Variants in SLC39A10 observed in about 807,000 individuals in gnomAD.
SLC39A10 encodes the protein zinc transporter ZIP10.
In SLC39A10, 13 loss-of-function variants were observed where a neutral mutation model predicts 65.1. The observed-to-expected ratio is 0.20, with a 90% CI of 0.13 to 0.32. The LOEUF is 0.32. SLC39A10 is among the 10% of genes least tolerant of loss of function. The probability of loss-of-function intolerance (pLI) is 1.00; values close to 1 mark genes in which losing one functional copy is unlikely to be tolerated. For synonymous variants in SLC39A10, 321 were observed against 342.2 expected (o/e 0.94, Z 0.68); for missense variants, 831 against 1,018.4 (o/e 0.82, Z 2.50).
chr2:195,619,583 A>G (rs1024345690), intron 2 of SLC39A10, among the ~76,000 whole-genome samples: 1 of 152,224 alleles, frequency 6.6e-6, no homozygotes, highest in Non-Finnish European at 1.5e-5. Context: ...ATGCTGATGT[A>G]CACGAGGAAT....
chr2:195,683,447 A>G, intron 2 of SLC39A10, among the ~76,000 whole-genome samples: 1 of 152,102 alleles, frequency 6.6e-6, no homozygotes, highest in South Asian at 2.1e-4. Context: ...ATCCTTATCC[A>G]TGACAGAAAG....
intron 8 of SLC39A10, among the ~76,000 whole-genome samples, chr2:195,722,446 A>G (rs897843023): frequency 6.6e-5 from 10 of 152,332 alleles, no homozygotes; most frequent in South Asian, 6.2e-4. Context: ...TAAATAAAGG[A>G]AGTAAAAATA....
chr2:195,694,462 T>C (rs1472838594), intron 3 of SLC39A10, among the ~76,000 whole-genome samples: 4 of 152,198 alleles, frequency 2.6e-5, no homozygotes, highest in South Asian at 2.1e-4. Context: ...TCCCTTGATA[T>C]GGTGTTCTCC....
At chr2:195,673,283 C>G (rs1378132757) in intron 1 of SLC39A10, among the ~76,000 whole-genome samples, 1 of 152,038 alleles carries the variant, frequency 6.6e-6, no homozygotes, top group African/African-American at 2.4e-5. Context: ...CTCAGATGAT[C>G]CTCCTACCTT....
In SLC39A10 at chr2:195,616,899, G is replaced by A. The variant is rs375226896; in HGVS notation, c.-12+10666G>A. Among the ~76,000 whole-genome samples the A allele has an allele frequency of 9.9e-5, 15 of 152,032 alleles. No homozygotes were observed. The South Asian group carries it at 1.0e-3, about 10-fold the overall frequency. On this transcript the variant is annotated intron_variant, in intron 2 of 2. Transcript: ENST00000458054. ...ATTACAGGCGGGAGCCACCGCCCCC[G>A]GCCCGGAAAATCTTTTGTTAAAGAG... is the stretch of plus-strand genomic sequence containing the variant.
intron 1 of SLC39A10, chr2:195,671,620 G>A (rs938011583): frequency 5.9e-5 from 9 of 152,214 alleles, no homozygotes; most frequent in African/African-American, 2.2e-4. Context: ...TGGTATATGG[G>A]CTTCTACCAT....
intron 3 of SLC39A10, among the ~76,000 whole-genome samples, chr2:195,686,583 G>T (rs979428041): frequency 1.3e-5 from 2 of 152,080 alleles, no homozygotes; most frequent in Non-Finnish European, 2.9e-5. Context: ...TGTTTATTGG[G>T]ACTTTACCAT....
At chr2:195,615,469 C>A (rs115173613) in intron 2 of SLC39A10, among the ~76,000 whole-genome samples, 2,331 of 152,230 alleles carry the variant, frequency 0.015, 21 homozygotes, top group South Asian at 0.024. Context: ...GGCCATCTGG[C>A]CAGTTTTTTA....
At chr2:195,667,917 A>T (rs1689697763) in intron 1 of SLC39A10, among the ~76,000 whole-genome samples, 1 of 152,262 alleles carries the variant, frequency 6.6e-6, no homozygotes, top group Non-Finnish European at 1.5e-5. Flanking sequence ...CAAATATTTT[A>T]CAAAAATATG....
chr2:195,670,673 G>A (rs1689823640), intron 1 of SLC39A10, among the ~76,000 whole-genome samples: 1 of 152,120 alleles, frequency 6.6e-6, no homozygotes, highest in Non-Finnish European at 1.5e-5. Context: ...TAGTATCGAT[G>A]TCAGTTTCTT....
chr2:195,727,822 C>A (rs1350526605), intron 8 of SLC39A10, among the ~76,000 whole-genome samples: 7 of 152,110 alleles, frequency 4.6e-5, no homozygotes, highest in Non-Finnish European at 1.0e-4. Flanking sequence ...TTTGTCACCC[C>A]CAACAACCCT....
chr2:195,632,227 C>A (rs972762901), intron 2 of SLC39A10, among the ~76,000 whole-genome samples: 6 of 145,886 alleles, frequency 4.1e-5, no homozygotes, highest in Admixed American at 2.1e-4. Context: ...CTTATCAAAG[C>A]TTTTTCTGTG....
intron 1 of SLC39A10, among the ~76,000 whole-genome samples, chr2:195,678,810 G>T (rs1316957913): frequency 2.0e-5 from 3 of 151,940 alleles, no homozygotes; most frequent in East Asian, 3.8e-4. Context: ...GTATTAAAAA[G>T]AATGTAAAAT....
chr2:195,681,166 T>A, intron 2 of SLC39A10, 116 bp downstream of exon 2: 2 of 956,628 alleles, frequency 2.1e-6, no homozygotes. Context: ...TATTTCCATA[T>A]GTTTACCTAT....
intron 2 of SLC39A10, among the ~76,000 whole-genome samples, chr2:195,650,270 G>A (rs1338912047): frequency 6.9e-6 from 1 of 145,980 alleles, no homozygotes; most frequent in African/African-American, 2.6e-5. Context: ...CGACAGAGAT[G>A]GACTCCTCCT....
intron 3 of SLC39A10, among the ~76,000 whole-genome samples, chr2:195,701,435 C>T (rs1375779220): frequency 0.033 from 181 of 5,472 alleles, no homozygotes; most frequent in East Asian, 0.048. Context: ...TTCTGTGATT[C>T]TTTTTTTTTT....
At chr2:195,621,773 A>G (rs997224554) in intron 2 of SLC39A10, among the ~76,000 whole-genome samples, 2 of 152,216 alleles carry the variant, frequency 1.3e-5, no homozygotes, top group African/African-American at 4.8e-5. Context: ...TTCTGAAATT[A>G]ATTCTTTGTG....
chr2:195,679,446 A>G (rs1690220659), intron 1 of SLC39A10, among the ~76,000 whole-genome samples: 1 of 152,190 alleles, frequency 6.6e-6, no homozygotes, highest in Non-Finnish European at 1.5e-5. Flanking sequence ...TTCCTCAAGG[A>G]ATACATCTTA....
chr2:195,697,719 A>G (rs570755917), intron 3 of SLC39A10, among the ~76,000 whole-genome samples: 7 of 152,214 alleles, frequency 4.6e-5, no homozygotes, highest in Non-Finnish European at 1.0e-4. Flanking sequence ...GAATTTAAAC[A>G]AATTTACAAG....
Sources: gnomAD v4.1 joint callset for allele counts (sites outside exome capture counted in the v4.1 genomes callset) on GRCh38, gnomAD v4.1.1 for gene constraint, MANE v1.5 for transcripts, NCBI Gene and HGNC (gene_info 2026-07-23, HGNC 2026-07-21) for gene names.